The following SMC2 variants were observed in gnomAD, a reference collection of about 807,000 sequenced individuals.
SMC2 encodes structural maintenance of chromosomes 2.
A neutral mutation model predicts 142.6 loss-of-function variants in SMC2; 41 were observed. That is an observed-to-expected ratio of 0.29 (90% CI 0.22 to 0.37). The LOEUF is 0.37. Among genes scored for constraint, SMC2 ranks in the 10% least tolerant of loss-of-function variants. The probability of loss-of-function intolerance (pLI) is 1.00; values close to 1 mark genes in which losing one functional copy is unlikely to be tolerated. For synonymous variants in SMC2, 463 were observed against 457.5 expected, an observed-to-expected ratio of 1.01 and a Z score of -0.15; for missense variants, 1,265 against 1,373.7, an observed-to-expected ratio of 0.92 and a Z score of 1.25.
intron 9 of SMC2, among the ~76,000 whole-genome samples, chr9:104,106,774 A>G (rs976349408): frequency 5.3e-5 from 8 of 152,114 alleles, no homozygotes; most frequent in Admixed American, 5.2e-4. Context: ...GCAATAGCCT[A>G]TGAGTTGGTG....
upstream of SMC2, among the ~76,000 whole-genome samples, chr9:104,093,723 A>G (rs944821194): frequency 6.6e-6 from 1 of 152,202 alleles, no homozygotes; most frequent in African/African-American, 2.4e-5. Context: ...TCCGACGTGG[A>G]AACTTCAGAT....
intron 18 of SMC2, 46 bp from the exon 19 acceptor site, chr9:104,126,595 G>A (rs774144585): frequency 3.5e-6 from 5 of 1,438,456 alleles, no homozygotes; most frequent in East Asian, 4.6e-5. Context: ...TTGTTTTTCA[G>A]TAGTTAATAA....
At chr9:104,122,205 T>C (rs548420465) in intron 16 of SMC2, among the ~76,000 whole-genome samples, 1 of 152,302 alleles carries the variant, frequency 6.6e-6, no homozygotes, top group Non-Finnish European at 1.5e-5. Context: ...TAGTATTGGA[T>C]CATTTATTCT....
chr9:104,139,000 C>T, intron 24 of SMC2, 139 bp from the exon 25 acceptor site: 2 of 482,744 alleles, frequency 4.1e-6, no homozygotes, highest in Non-Finnish European at 3.5e-6. Flanking sequence ...ATATGGACAG[C>T]TAGCATTCAT....
intron 18 of SMC2, 23 bp from the exon 19 acceptor site, chr9:104,126,618 C>T: frequency 1.3e-6 from 2 of 1,585,594 alleles, no homozygotes; most frequent in Non-Finnish European, 1.7e-6. Context: ...TATATGAATA[C>T]CTGAATACTG....
intron 9 of SMC2, among the ~76,000 whole-genome samples, chr9:104,105,337 T>G (rs1831635135): frequency 6.6e-6 from 1 of 152,042 alleles, no homozygotes; most frequent in South Asian, 2.1e-4. Context: ...TCTGCCCGCT[T>G]TCCAGGCCTG....
chr9:104,123,011 ATG>A, intron 16 of SMC2, 95 bp from the exon 17 acceptor site: 1 of 1,250,090 alleles, frequency 8.0e-7, no homozygotes, highest in Non-Finnish European at 1.1e-6. Flanking sequence ...TTTATAACGT[ATG>A]TGAGTTTATT....
chr9:104,130,528 A>G (rs1834844127), intron 21 of SMC2, among the ~76,000 whole-genome samples: 1 of 152,180 alleles, frequency 6.6e-6, no homozygotes, highest in Non-Finnish European at 1.5e-5. Context: ...TCAGAGTAAA[A>G]TTCATGAGAA....
At chr9:104,111,386 G>A (rs1016666243) in intron 9 of SMC2, among the ~76,000 whole-genome samples, 195 bp from the exon 10 acceptor site, 18 of 152,104 alleles carry the variant, frequency 1.2e-4, no homozygotes, top group African/African-American at 3.9e-4. Flanking sequence ...AGTAGTATAA[G>A]AGTTATATTT....
At position 104,120,116 on chromosome 9, in the gene SMC2, C is replaced by A; in HGVS notation, c.2086C>A (p.Arg696=). The A allele has an allele frequency of 6.2e-7, 1 of 1,613,616 alleles. No individual in the cohort carries two copies. Among genetic ancestry groups the A allele is most frequent in the South Asian group, 1.1e-5 (1 of 91,040 alleles). ...ACTGAGAATCAAAGAGAATGAGCTG[C>A]GGGCTCTAGAAGAGGAATTAGCAGG... ...DELRIKENEL[R]ALEEELAGLK... is the part of the protein sequence containing the mutation. Residue 696 remains arginine (R), a synonymous_variant, in exon 16 of 25, where the codon CGG becomes AGG. Coordinates refer to ENST00000374793, the MANE Select transcript of SMC2 (RefSeq NM_006444.3).
At chr9:104,105,658 A>G (rs1416351615) in intron 9 of SMC2, among the ~76,000 whole-genome samples, 1 of 152,190 alleles carries the variant, frequency 6.6e-6, no homozygotes, top group East Asian at 1.9e-4. Flanking sequence ...GCCACAGTTA[A>G]GTTAAAATGG....
intron 17 of SMC2, among the ~76,000 whole-genome samples, chr9:104,123,601 A>T (rs1282417936): frequency 6.6e-6 from 1 of 151,970 alleles, no homozygotes; most frequent in South Asian, 2.1e-4. Context: ...TTGTATGTTC[A>T]TTGGACCTTT....
intron 1 of SMC2, chr9:104,094,824 GGA>G (rs1449982351): frequency 1.7e-5 from 3 of 178,240 alleles, no homozygotes; most frequent in African/African-American, 7.1e-5. Context: ...AGACACTGCG[GGA>G]ACTTACAGAC....
rs1338850012 is a variant in SMC2, at chr9:104,111,691, G to A, written c.1131G>A (p.Gln377=). The A allele has an allele frequency of 6.2e-7, 1 of 1,613,984 alleles. No individual in the cohort carries two copies. Among genetic ancestry groups the A allele is most frequent in the African/African-American group, 1.3e-5 (1 of 75,030 alleles). ...NKDAEALAAA[Q]QHFNAVSAGL... ...ATGCTGAAGCTCTGGCAGCTGCACA[G>A]CAGCACTTCAATGCTGTTTCCGCTG... Residue 377 remains glutamine (Q), a synonymous_variant, in exon 10 of 25, where the codon CAG becomes CAA. Transcript: ENST00000374793.
intron 24 of SMC2, among the ~76,000 whole-genome samples, chr9:104,138,530 A>G (rs953734582): frequency 6.6e-6 from 1 of 152,166 alleles, no homozygotes; most frequent in African/African-American, 2.4e-5. Context: ...AAATCATGTG[A>G]CACTTGATGG....
At position 104,116,335 on chromosome 9, in the gene SMC2, T is replaced by C. The variant is rs781575579; in HGVS notation, c.1791+16T>C. The C allele has an allele frequency of 6.3e-7, 1 of 1,593,222 alleles. No individual in the cohort carries two copies. Among genetic ancestry groups the C allele is most frequent in the Non-Finnish European group, 8.5e-7 (1 of 1,172,494 alleles). On this transcript the variant is annotated intron_variant, in intron 14 of 24. Transcript: ENST00000374793. ...TCAGAATCTTGTAAGTCTCATTTTGTCTTATTTATATGTTTAATCGTCATC... is the reference window on the plus strand; with the variant it reads ...TCAGAATCTTGTAAGTCTCATTTTGCCTTATTTATATGTTTAATCGTCATC...
Position 104,102,457 on chromosome 9 carries a change from G to C in SMC2, c.904G>C (p.Ala302Pro), listed in dbSNP as rs764814020. The part of the protein sequence containing the change: ...TGGILRSLED[A>P]LAEAQRVNTK... ...AGGTATACTTCGATCTTTAGAAGAT[G>C]CTCTTGCAGAGGCTCAGCGAGTTAA... Residue 302 changes from alanine to proline, a missense_variant, in exon 9 of 25, where the codon GCT becomes CCT. By Grantham distance (27) the Ala-to-Pro change is conservative. Transcript: ENST00000374793. 6.2e-7 allele frequency: 1 copy of C among 1,610,888 alleles called. No individual in the cohort carries two copies. Among genetic ancestry groups the C allele is most frequent in the African/African-American group, 1.3e-5 (1 of 74,860 alleles).
At chr9:104,137,881 T>C (rs1835725320) in intron 23 of SMC2, 137 bp from the exon 24 acceptor site, 2 of 485,830 alleles carry the variant, frequency 4.1e-6, no homozygotes, top group Admixed American at 8.2e-5. Flanking sequence ...AGTTTGAAAC[T>C]CAAGATTCTT....
At chr9:104,137,737 A>G (rs913201917) in intron 23 of SMC2, among the ~76,000 whole-genome samples, 1 of 152,206 alleles carries the variant, frequency 6.6e-6, no homozygotes, top group African/African-American at 2.4e-5. Flanking sequence ...TAAAACTAAC[A>G]TGATCTTAAG....
Sources: gnomAD v4.1 joint callset for allele counts (sites outside exome capture counted in the v4.1 genomes callset) on GRCh38, gnomAD v4.1.1 for gene constraint, MANE v1.5 for transcripts, NCBI Gene and HGNC (gene_info 2026-07-23, HGNC 2026-07-21) for gene names.